The following PAPPA2 variants were observed in gnomAD, a reference collection of about 807,000 sequenced individuals.
PAPPA2 encodes pappalysin-2.
Under a neutral mutation model 176.4 loss-of-function variants are expected in PAPPA2, and 86 were observed. The observed-to-expected ratio is 0.49, with a 90% CI of 0.41 to 0.58. PAPPA2 has a LOEUF of 0.58. Among genes scored for constraint, PAPPA2 ranks in the 20% least tolerant of loss-of-function variants. The pLI is 0.00. For synonymous variants in PAPPA2, 809 were observed against 852.2 expected, an observed-to-expected ratio of 0.95 and a Z score of 0.88; for missense variants, 2,073 against 2,256.9, an observed-to-expected ratio of 0.92 and a Z score of 1.65.
chr1:176,756,623 AG>A (rs1429052786), intron 14 of PAPPA2, among the ~76,000 whole-genome samples: 1 of 152,204 alleles, frequency 6.6e-6, no homozygotes, highest in Non-Finnish European at 1.5e-5. Context: ...TTGGTGAGAC[AG>A]GGCTTTTGAA....
intron 3 of PAPPA2, among the ~76,000 whole-genome samples, chr1:176,603,169 A>G (rs1472729135): frequency 6.6e-6 from 1 of 152,220 alleles, no homozygotes; most frequent in Non-Finnish European, 1.5e-5. Context: ...TATTCAAAAT[A>G]CTTCGGCTTT....
chr1:176,506,334 C>CT (rs936141929), intron 1 of PAPPA2, among the ~76,000 whole-genome samples: 20 of 146,586 alleles, frequency 1.4e-4, no homozygotes, highest in South Asian at 2.2e-4. Context: ...GCTATTCAGG[C>CT]TTTTTTTTTT....
intron 3 of PAPPA2, among the ~76,000 whole-genome samples, chr1:176,656,130 C>A (rs1276184150): frequency 1.3e-5 from 2 of 151,772 alleles, no homozygotes; most frequent in African/African-American, 4.8e-5. Flanking sequence ...CAGGTCCCAG[C>A]AACTTAACAT....
intron 2 of PAPPA2, among the ~76,000 whole-genome samples, chr1:176,579,764 T>C (rs12094283): frequency 0.16 from 25,009 of 152,200 alleles, 2,159 homozygotes; most frequent in Middle Eastern, 0.25. Context: ...AACTGTGAGA[T>C]GGTGGATGAC....
chr1:176,690,421 A>T lies in PAPPA2; in HGVS notation c.2422A>T (p.Ser808Cys). The T allele has an allele frequency of 6.2e-7, 1 of 1,614,060 alleles. No homozygotes were observed. Among genetic ancestry groups the T allele is most frequent in the Non-Finnish European group, 8.5e-7 (1 of 1,179,942 alleles). Residue 808 changes from serine (S) to cysteine (C), a missense_variant, in exon 5 of 23, where the codon AGC (serine) becomes TGC (cysteine). Physicochemically the swap from Ser to Cys is moderately radical, Grantham distance 112 (BLOSUM62 -1). This residue lies in a region of PAPPA2 where 1,196 missense variants were observed against 1,330.4 expected (regional missense o/e 0.90). Coordinates refer to ENST00000367662, the MANE Select transcript of PAPPA2 (RefSeq NM_020318.3). ...AGGGGCTCCGTTCACCAACTACATG[A>T]GCTACACGGGTATCACCACTGTCTT... The part of the protein sequence containing the change: ...FPGAPFTNYM[S>C]YTDDNCTDNF...
chr1:176,706,589 A>G, intron 10 of PAPPA2, 139 bp downstream of exon 10: 1 of 699,122 alleles, frequency 1.4e-6, no homozygotes. Context: ...CCAGGCATGA[A>G]TTGTTTCACA....
At chr1:176,678,877 A>G (rs189518729) in intron 4 of PAPPA2, among the ~76,000 whole-genome samples, 5 of 152,250 alleles carry the variant, frequency 3.3e-5, no homozygotes, top group East Asian at 1.9e-4. Context: ...TGTAAAATAA[A>G]CTAAAAAAAT....
chr1:176,686,962 A>G (rs750430419), intron 4 of PAPPA2, among the ~76,000 whole-genome samples: 11 of 152,192 alleles, frequency 7.2e-5, no homozygotes, highest in Admixed American at 2.6e-4. Context: ...GTTCTAGCAG[A>G]CATAGAATTA....
At chr1:176,517,129 T>C (rs1648959004) in intron 1 of PAPPA2, among the ~76,000 whole-genome samples, 1 of 152,112 alleles carries the variant, frequency 6.6e-6, no homozygotes, top group Non-Finnish European at 1.5e-5. Context: ...AGGAAAAAAT[T>C]TCCGTTAGTA....
intron 14 of PAPPA2, among the ~76,000 whole-genome samples, chr1:176,749,173 G>A (rs546639251): frequency 3.8e-4 from 53 of 138,552 alleles, no homozygotes; most frequent in Admixed American, 1.3e-3. Context: ...CAAGACAGTC[G>A]AAAAAGGTTA....
At chr1:176,560,681 G>A (rs1651613273) in intron 2 of PAPPA2, among the ~76,000 whole-genome samples, 2 of 152,218 alleles carry the variant, frequency 1.3e-5, no homozygotes, top group African/African-American at 4.8e-5. Context: ...CCATCCACGT[G>A]TGTAACTTTT....
chr1:176,644,648 A>G (rs1488631020), intron 3 of PAPPA2, among the ~76,000 whole-genome samples: 2 of 151,916 alleles, frequency 1.3e-5, no homozygotes, highest in African/African-American at 4.8e-5. Context: ...TCTAGGTTCA[A>G]GTTTCGGCTT....
chr1:176,587,817 C>G (rs1180577281), intron 2 of PAPPA2, among the ~76,000 whole-genome samples: 1 of 152,174 alleles, frequency 6.6e-6, no homozygotes, highest in Non-Finnish European at 1.5e-5. Flanking sequence ...ATGAGAGCAG[C>G]AAACCAACAT....
At chr1:176,764,598 T>A (rs1222385242) in intron 14 of PAPPA2, among the ~76,000 whole-genome samples, 2 of 145,824 alleles carry the variant, frequency 1.4e-5, no homozygotes, top group African/African-American at 5.1e-5. Flanking sequence ...AGTGTATTCT[T>A]TTTTTTTTTT....
intron 4 of PAPPA2, among the ~76,000 whole-genome samples, chr1:176,687,432 G>T (rs1659888586): frequency 6.6e-6 from 1 of 152,106 alleles, no homozygotes; most frequent in Non-Finnish European, 1.5e-5. Context: ...AATATTTTTA[G>T]ATTTGGAAAC....
At chr1:176,741,873 A>G (rs1362356301) in intron 14 of PAPPA2, among the ~76,000 whole-genome samples, 1 of 152,220 alleles carries the variant, frequency 6.6e-6, no homozygotes, top group East Asian at 1.9e-4. Flanking sequence ...TTTTCAAATT[A>G]TATTCTCTAC....
intron 1 of PAPPA2, among the ~76,000 whole-genome samples, chr1:176,533,874 C>G (rs188756411): frequency 7.9e-5 from 12 of 152,290 alleles, no homozygotes; most frequent in African/African-American, 2.6e-4. Context: ...CTGCACGTAG[C>G]TATTGAGTTC....
intron 8 of PAPPA2, among the ~76,000 whole-genome samples, 170 bp from the exon 9 acceptor site, chr1:176,702,437 T>C (rs1413363406): frequency 1.3e-5 from 2 of 152,250 alleles, no homozygotes; most frequent in African/African-American, 4.8e-5. Flanking sequence ...TCAAACCTTC[T>C]GGTGCTCGGG....
At chr1:176,732,217 C>T (rs1662192895) in intron 12 of PAPPA2, among the ~76,000 whole-genome samples, 1 of 152,110 alleles carries the variant, frequency 6.6e-6, no homozygotes, top group Admixed American at 6.5e-5. Flanking sequence ...GTTGACTTTA[C>T]ATTGAATTCT....
Sources: allele counts gnomAD v4.1 joint callset (sites outside exome capture counted in the v4.1 genomes callset), GRCh38; gene constraint gnomAD v4.1.1; regional missense constraint gnomAD v4.1.1; transcripts MANE v1.5; gene names NCBI Gene and HGNC (gene_info 2026-07-23, HGNC 2026-07-21).